OSR1: variants seen among roughly 807,000 people sequenced by gnomAD.
The protein encoded by OSR1 is protein odd-skipped-related 1.
In OSR1, 3 loss-of-function variants were observed where a neutral mutation model predicts 15.7. The observed-to-expected ratio is 0.19, with a 90% confidence interval of 0.09 to 0.50. The LOEUF (loss-of-function observed/expected upper bound fraction) is 0.50, where lower values mean the gene tolerates loss of function less well. OSR1 is among the 20% of genes least tolerant of loss of function. OSR1 has a pLI of 0.97. For synonymous variants in OSR1, 166 were observed against 152.7 expected (o/e 1.09, Z -0.64); for missense variants, 271 against 351.1 (o/e 0.77, Z 1.82).
intron 2 of OSR1, 129 bp from the exon 3 acceptor site, chr2:19,352,539 T>A: frequency 9.0e-7 from 1 of 1,114,644 alleles, no homozygotes; most frequent in Non-Finnish European, 1.3e-6. Context: ...GTACCAAGTG[T>A]GGATGGGACA....
intron 2 of OSR1, 108 bp from the exon 3 acceptor site, chr2:19,352,518 T>C (rs1664861717): frequency 2.9e-6 from 4 of 1,358,914 alleles, no homozygotes; most frequent in Non-Finnish European, 4.1e-6. Flanking sequence ...AAAGGAAAAG[T>C]GTATAGTCAG....
intron 1 of OSR1, 21 bp downstream of exon 1, chr2:19,358,320 G>A (rs1241490186): frequency 6.6e-6 from 1 of 152,420 alleles, no homozygotes; most frequent in Non-Finnish European, 1.5e-5. Context: ...GCTGAGCCCA[G>A]GCGCCCAGGA....
rs1018223974 is a variant in OSR1, at chr2:19,357,202, T to A, written c.-33+1139A>T. ...AAAACAGCAATTACCTCGAGGAGCC[T>A]GGGATGGAACATCTACACGCCGCCG... On this transcript the variant is annotated intron_variant, in intron 1 of 2. Coordinates refer to ENST00000272223, the MANE Select transcript of OSR1 (RefSeq NM_145260.3). The surrounding 1 kb of genome is among the most constrained non-coding windows in gnomAD (Gnocchi z 5.0). 4.6e-5 allele frequency among the ~76,000 whole-genome samples: 7 copies of A among 152,116 alleles called. No individual in the cohort carries two copies. Among genetic ancestry groups the A allele is most frequent in the Non-Finnish European group, 1.0e-4 (7 of 68,018 alleles).
chr2:19,354,582 T>G (rs765512020), intron 1 of OSR1: 1 of 152,272 alleles, frequency 6.6e-6, no homozygotes, highest in Non-Finnish European at 1.5e-5. Context: ...ACCCTCAACT[T>G]TGACCTTAAA....
At chr2:19,347,212 G>GCAT (rs936072449), downstream of OSR1, among the ~76,000 whole-genome samples, 1 of 152,134 alleles carries the variant, frequency 6.6e-6, no homozygotes, top group Non-Finnish European at 1.5e-5. Flanking sequence ...GCATTTCTAA[G>GCAT]CATCATCATC....
At position 19,353,841 on chromosome 2, in the gene OSR1, C is replaced by T. The variant is rs1664894544; in HGVS notation, c.-32-4G>A. 1 of 1,578,800 alleles carries T rather than the reference C, an allele frequency of 6.3e-7. No individual in the cohort carries two copies. The highest frequency in any genetic ancestry group is 1.8e-5 in the Admixed American group (1 of 54,800). ...GCAGTGGCTTCTCAATCCGGATCTG[C>T]AAAGAAAAGAAGAAGGCAGGGGCGT... On this transcript the variant is annotated splice_region_variant and splice_polypyrimidine_tract_variant and intron_variant, in intron 1 of 2. Coordinates refer to ENST00000272223, the MANE Select transcript of OSR1 (RefSeq NM_145260.3).
intron 2 of OSR1, among the ~76,000 whole-genome samples, 155 bp from the exon 3 acceptor site, chr2:19,352,565 A>G (rs1185700285): frequency 5.3e-5 from 8 of 152,092 alleles, no homozygotes; most frequent in African/African-American, 1.7e-4. Flanking sequence ...TTAATTGGGG[A>G]TGGAGTGGGG....
At chr2:19,345,648 C>G in the OSR1 span, among the ~76,000 whole-genome samples, 1 of 152,142 alleles carries the variant, frequency 6.6e-6, no homozygotes, top group Non-Finnish European at 1.5e-5. Context: ...AGTATTTCCA[C>G]CCATCTTAGA....
chr2:19,353,050 G>T, intron 2 of OSR1, 91 bp downstream of exon 2: 1 of 1,446,824 alleles, frequency 6.9e-7, no homozygotes, highest in Non-Finnish European at 9.4e-7. Context: ...GAGGCTTGGA[G>T]CCAGTAGGGG....
chr2:19,350,338 G>A (rs1255053305), downstream of OSR1, among the ~76,000 whole-genome samples: 1 of 152,192 alleles, frequency 6.6e-6, no homozygotes, highest in Non-Finnish European at 1.5e-5. Context: ...CGCCGGCAGG[G>A]CCAGCCTCCA....
chr2:19,353,380 G>A lies in OSR1; in HGVS notation c.426C>T (p.Ser142=), dbSNP rs1572259786. Residue 142 remains serine (S), a synonymous_variant, in exon 2 of 3, where the codon TCC becomes TCT. Coordinates refer to ENST00000272223, the MANE Select transcript of OSR1 (RefSeq NM_145260.3). ...AKLGRGEGPG[S]PAGGLGALLD... ...GGAGGGCACCCAGCCCACCTGCAGGGGAGCCTGGGCCCTCCCCGCGACCGA... is the reference window on the plus strand; with the variant it reads ...GGAGGGCACCCAGCCCACCTGCAGGAGAGCCTGGGCCCTCCCCGCGACCGA... The A allele has an allele frequency of 6.2e-7, 1 of 1,614,188 alleles. No homozygotes were observed. The highest frequency in any genetic ancestry group is 8.5e-7 in the Non-Finnish European group (1 of 1,180,006).
rs1232372974 is a variant in OSR1 at position 19,352,353 on chromosome 2, G to A, written c.723C>T (p.Cys241=). The A allele has an allele frequency of 6.2e-7, 1 of 1,614,076 alleles. No homozygotes were observed. Among genetic ancestry groups the A allele is most frequent in the Non-Finnish European group, 8.5e-7 (1 of 1,179,900 alleles). Residue 241 remains cysteine (C), a synonymous_variant, in exon 3 of 3, where the codon TGC becomes TGT. Coordinates refer to ENST00000272223, the MANE Select transcript of OSR1 (RefSeq NM_145260.3). The stretch of plus-strand genomic sequence containing the variant: ...TGTGGACAGCGAGAGTCCTGGACTG[G>A]CAGAATCCTTTCCCACACTCTTGAC... ...FKCQECGKGF[C]QSRTLAVHKT... is the part of the protein sequence containing the mutation.
downstream of OSR1, among the ~76,000 whole-genome samples, chr2:19,346,953 G>A (rs181822565): frequency 2.3e-4 from 35 of 152,318 alleles, no homozygotes; most frequent in East Asian, 5.0e-3. Context: ...CGTGTGGTGA[G>A]TAGCGCTCTG....
chr2:19,356,641 G>A (rs1248552995), intron 1 of OSR1: 1 of 152,242 alleles, frequency 6.6e-6, no homozygotes. Context: ...TTTAAACACA[G>A]GATGGAAAAC....
Position 19,352,095 on chromosome 2 carries a change from GGGTCGC to G in OSR1, c.*174_*179del. Reference sequence around the variant, plus strand: ...CCTAGGGGAGCAGCAGGGACGGTCGGGGTCGCGGCCCCGGGCGGGGCTCTGAAGTGC... The same window carrying G: ...CCTAGGGGAGCAGCAGGGACGGTCGGGGCCCCGGGCGGGGCTCTGAAGTGC... On this transcript the variant is annotated 3_prime_UTR_variant, in exon 3 of 3. Transcript: ENST00000272223. 1.7e-6 allele frequency: 1 copy of G among 588,898 alleles called. No homozygotes were observed. Among genetic ancestry groups the G allele is most frequent in the Non-Finnish European group, 2.8e-6 (1 of 355,894 alleles). 36.5% of individuals were successfully genotyped at this position (588,898 alleles called of 1,614,324 possible). A position where few individuals can be genotyped will look rare whatever the true frequency, so the allele number is the denominator to read the frequency against.
downstream of OSR1, among the ~76,000 whole-genome samples, chr2:19,350,266 C>A (rs1473867958): frequency 6.6e-6 from 1 of 152,134 alleles, no homozygotes; most frequent in Non-Finnish European, 1.5e-5. Flanking sequence ...CCTGGGCCGC[C>A]CCTCCAGGGC....
chr2:19,349,700 G>A (rs756341185), downstream of OSR1, among the ~76,000 whole-genome samples: 8 of 152,170 alleles, frequency 5.3e-5, no homozygotes, highest in Non-Finnish European at 8.8e-5. Flanking sequence ...GATGTGTTCT[G>A]GGAGGTGGAG....
At chr2:19,348,371 T>A (rs1041167330), downstream of OSR1, 1 of 154,438 alleles carries the variant, frequency 6.5e-6, no homozygotes, top group African/African-American at 2.4e-5. Flanking sequence ...GGGGCCCATC[T>A]GTGACGTCAC....
intron 1 of OSR1, chr2:19,356,367 C>G (rs949797051): frequency 1.3e-5 from 2 of 152,316 alleles, no homozygotes; most frequent in African/African-American, 4.8e-5. Context: ...CGGCCCAGCC[C>G]GTTCCTTGTT....
Sources: allele counts gnomAD v4.1 joint callset (sites outside exome capture counted in the v4.1 genomes callset), GRCh38; gene constraint gnomAD v4.1.1; non-coding constraint Gnocchi (gnomAD v3.1); transcripts MANE v1.5; gene names NCBI Gene and HGNC (gene_info 2026-07-23, HGNC 2026-07-21).